The following GRIN2A variants were observed in gnomAD, a reference collection of about 807,000 sequenced individuals.
The protein encoded by GRIN2A is glutamate receptor ionotropic, NMDA 2A.
In GRIN2A, 22 loss-of-function variants were observed where a neutral mutation model predicts 113.4. That is an observed-to-expected ratio of 0.19 (90% CI 0.14 to 0.28). The LOEUF is 0.28. GRIN2A is among the 10% of genes least tolerant of loss of function. GRIN2A has a pLI of 1.00. For missense variants in GRIN2A, 1,502 were observed against 1,887.0 expected (o/e 0.80, Z 3.78); for synonymous variants, 827 against 738.4 (o/e 1.12, Z -1.94).
In GRIN2A at chr16:10,032,166, G is replaced by C. The variant is rs567989390; in HGVS notation, c.415-93615C>G. Among the ~76,000 whole-genome samples, 18 of 152,340 alleles carry C rather than the reference G, an allele frequency of 1.2e-4. 1 individual carries two copies. The South Asian group carries it at 3.7e-3, about 32-fold the overall frequency. The stretch of plus-strand genomic sequence containing the variant: ...TGGACCCCATTTTATGCTGAGCCTA[G>C]CATATAGTAGGCTTTCAAGAAATCC... On this transcript the variant is annotated intron_variant, in intron 2 of 12. Coordinates refer to ENST00000330684, the MANE Select transcript of GRIN2A (RefSeq NM_001134407.3).
chr16:9,897,211 T>A (rs116375887), intron 3 of GRIN2A, among the ~76,000 whole-genome samples: 42,222 of 150,064 alleles, frequency 0.28, 6,834 homozygotes, highest in African/African-American at 0.44. Context: ...TTTACATATT[T>A]TATATATATA....
intron 2 of GRIN2A, among the ~76,000 whole-genome samples, chr16:10,021,082 G>T (rs1343281248): frequency 6.6e-6 from 1 of 152,154 alleles, no homozygotes; most frequent in Non-Finnish European, 1.5e-5. Context: ...GTCCTTTCAG[G>T]GGGCAGGTGA....
intron 3 of GRIN2A, among the ~76,000 whole-genome samples, chr16:9,924,123 A>AC (rs1329762238): frequency 6.6e-6 from 1 of 150,974 alleles, no homozygotes; most frequent in African/African-American, 2.4e-5. Context: ...AAAAAAAAAA[A>AC]AAAAAAAAAA....
chr16:10,101,351 C>A (rs6497683), intron 2 of GRIN2A, among the ~76,000 whole-genome samples: 63,001 of 151,980 alleles, frequency 0.41, 13,239 homozygotes, highest in African/African-American at 0.47. Flanking sequence ...TTGGAGAGAA[C>A]AGAAACTAAA....
chr16:10,140,618 A>G (rs2049306809), intron 2 of GRIN2A, among the ~76,000 whole-genome samples: 1 of 152,158 alleles, frequency 6.6e-6, no homozygotes, highest in Non-Finnish European at 1.5e-5. Flanking sequence ...ATGTAGCTCA[A>G]GTGGGGCAAC....
intron 4 of GRIN2A, among the ~76,000 whole-genome samples, chr16:9,854,398 C>T (rs1056680870): frequency 7.2e-5 from 11 of 152,100 alleles, no homozygotes; most frequent in African/African-American, 2.7e-4. Context: ...AAAGGGACTC[C>T]AGCCACCAGA....
At chr16:10,076,062 G>A (rs2047866836) in intron 2 of GRIN2A, among the ~76,000 whole-genome samples, 1 of 152,104 alleles carries the variant, frequency 6.6e-6, no homozygotes, top group Non-Finnish European at 1.5e-5. Flanking sequence ...TGTGCTACCT[G>A]TAAAAAGCAT....
Position 9,757,370 on chromosome 16 carries a change from T to TA in GRIN2A, c.*5778_*5779insT. ...GTTTAGGGAAGGACTTTTTTTTTTT[T>TA]TTTAAAAAAGGTATGCTCATAGAAT... On this transcript the variant is annotated 3_prime_UTR_variant, in exon 13 of 13. Transcript: ENST00000330684. 4.4e-6 allele frequency: 1 copy of TA among 225,996 alleles called. No individual in the cohort carries two copies. Among genetic ancestry groups the TA allele is most frequent in the East Asian group, 6.5e-5 (1 of 15,498 alleles). 14.0% of individuals were successfully genotyped at this position (225,996 alleles called of 1,614,324 possible). A position where few individuals can be genotyped will look rare whatever the true frequency, so the allele number is the denominator to read the frequency against.
At chr16:9,810,654 C>G (rs556514400) in intron 10 of GRIN2A, among the ~76,000 whole-genome samples, 1 of 152,264 alleles carries the variant, frequency 6.6e-6, no homozygotes, top group East Asian at 1.9e-4. Flanking sequence ...AACTGGAGGA[C>G]GCAAAGAATG....
In GRIN2A at chr16:9,758,943, A is replaced by G. The variant is rs1214642320; in HGVS notation, c.*4206T>C. ...ACCCTTCACTCATTAAATATCAAGC[A>G]ACACATTTAGCTTCCACCTACTCAA... On this transcript the variant is annotated 3_prime_UTR_variant, in exon 13 of 13. Transcript: ENST00000330684. 10 of 221,774 alleles carry G rather than the reference A, an allele frequency of 4.5e-5. No individual in the cohort carries two copies. Among genetic ancestry groups the G allele is most frequent in the Non-Finnish European group, 9.0e-5 (10 of 110,848 alleles). 13.7% of individuals were successfully genotyped at this position (221,774 alleles called of 1,614,324 possible).
In GRIN2A at chr16:9,840,253, C is replaced by T. The variant is rs1022359149; in HGVS notation, c.1651+394G>A. 3.9e-5 allele frequency among the ~76,000 whole-genome samples: 6 copies of T among 152,156 alleles called. No individual in the cohort carries two copies. In the East Asian group the frequency reaches 5.8e-4, roughly 15 times the overall value. On this transcript the variant is annotated intron_variant, in intron 7 of 12. Transcript: ENST00000330684. ...GAGGAAGCAGACACGTCTTACATGG[C>T]GGCATGTGAGAGAAGTGAAGCGAAG... is the stretch of plus-strand genomic sequence containing the variant.
chr16:9,979,468 T>C (rs1004340062), intron 2 of GRIN2A, among the ~76,000 whole-genome samples: 5 of 152,154 alleles, frequency 3.3e-5, no homozygotes, highest in Non-Finnish European at 7.3e-5. Flanking sequence ...CAGGACCTCC[T>C]TTTTATCCTT....
chr16:10,064,272 C>T (rs1473272848), intron 2 of GRIN2A, among the ~76,000 whole-genome samples: 3 of 152,156 alleles, frequency 2.0e-5, no homozygotes, highest in African/African-American at 7.2e-5. Context: ...CCTGCATCAA[C>T]AGGTACTTGA....
chr16:9,933,481 G>C lies in GRIN2A; in HGVS notation c.1007+4478C>G, dbSNP rs576234944. Among the ~76,000 whole-genome samples the C allele has an allele frequency of 2.0e-5, 3 of 152,304 alleles. No individual in the cohort carries two copies. The East Asian group carries it at 5.8e-4, about 29-fold the overall frequency. On this transcript the variant is annotated intron_variant, in intron 3 of 12. Coordinates refer to ENST00000330684, the MANE Select transcript of GRIN2A (RefSeq NM_001134407.3). ...AACTCACCACGAAGATATCAGGTAT[G>C]ACCTCATCTGAACTTCTTCTGGAGC... is the stretch of plus-strand genomic sequence containing the variant.
intron 3 of GRIN2A, among the ~76,000 whole-genome samples, chr16:9,904,911 A>G (rs1374062673): frequency 6.6e-6 from 1 of 152,338 alleles, no homozygotes; most frequent in East Asian, 1.9e-4. Flanking sequence ...GACATCCAGT[A>G]GTAGTGTGAC....
chr16:10,048,053 C>G (rs1376364047), intron 2 of GRIN2A, among the ~76,000 whole-genome samples: 2 of 152,176 alleles, frequency 1.3e-5, no homozygotes, highest in African/African-American at 4.8e-5. Flanking sequence ...AACTAAAACA[C>G]TATCCCTTTA....
intron 5 of GRIN2A, among the ~76,000 whole-genome samples, chr16:9,842,507 C>T (rs1427384580): frequency 6.6e-6 from 1 of 152,112 alleles, no homozygotes; most frequent in East Asian, 1.9e-4. Context: ...CTATGGAAAT[C>T]CAACATCATC....
rs72781971 is a variant in GRIN2A at position 9,817,937 on chromosome 16, G to A, written c.2168+4327C>T. On this transcript the variant is annotated intron_variant, in intron 10 of 12. Coordinates refer to ENST00000330684, the MANE Select transcript of GRIN2A (RefSeq NM_001134407.3). ...GGAATGTTCAAAAGCTGAGCAATTC[G>A]GGAGCAGATGAGGTTACCTTCTTCA... Among the ~76,000 whole-genome samples, 619 of 152,206 alleles carry A rather than the reference G, an allele frequency of 4.1e-3. 3 individuals are homozygous for A. Among genetic ancestry groups the A allele is most frequent in the Middle Eastern group, 0.037 (11 of 294 alleles).
At chr16:9,880,948 ACTCTAAGT>A (rs930744581) in intron 4 of GRIN2A, among the ~76,000 whole-genome samples, 18 of 152,060 alleles carry the variant, frequency 1.2e-4, no homozygotes, top group African/African-American at 3.9e-4. Context: ...GCCCCGTTAG[ACTCTAAGT>A]CTCTTGAAAA....
Sources: gnomAD v4.1 joint callset for allele counts (sites outside exome capture counted in the v4.1 genomes callset) on GRCh38, gnomAD v4.1.1 for gene constraint, MANE v1.5 for transcripts, NCBI Gene and HGNC (gene_info 2026-07-23, HGNC 2026-07-21) for gene names.